LOXL1: variants seen among roughly 807,000 people sequenced by gnomAD.
LOXL1 encodes the protein lysyl oxidase like 1.
Under a neutral mutation model 62.2 loss-of-function variants are expected in LOXL1, and 31 were observed. That is an observed-to-expected ratio of 0.50 (90% confidence interval 0.37 to 0.67). The LOEUF (loss-of-function observed/expected upper bound fraction) is 0.67, where lower values mean the gene tolerates loss of function less well. Ranked by LOEUF, LOXL1 falls within the 30% of genes least tolerant of loss-of-function variation. LOXL1 has a pLI of 0.00. For synonymous variants in LOXL1, 403 were observed against 384.4 expected, an observed-to-expected ratio of 1.05 and a Z score of -0.56; for missense variants, 775 against 843.4, an observed-to-expected ratio of 0.92 and a Z score of 1.00.
In LOXL1 at chr15:73,951,878, G is replaced by C; in HGVS notation, c.*41G>C. 6.7e-7 allele frequency: 1 copy of C among 1,497,200 alleles called. No individual in the cohort carries two copies. The highest frequency in any genetic ancestry group is 9.0e-7 in the Non-Finnish European group (1 of 1,115,662). 92.7% of individuals were successfully genotyped at this position (1,497,200 alleles called of 1,614,324 possible). A position where few individuals can be genotyped will look rare whatever the true frequency, so the allele number is the denominator to read the frequency against. On this transcript the variant is annotated 3_prime_UTR_variant, in exon 7 of 7. Coordinates refer to ENST00000261921, the MANE Select transcript of LOXL1 (RefSeq NM_005576.4). ...GATGGCCAATCTCTCCCCTTCCAAA[G>C]CAGGCCCTGCTCCCCGGGCAGCCTC...
intron 1 of LOXL1, chr15:73,928,101 C>T (rs1567083252): frequency 4.8e-6 from 2 of 417,722 alleles, no homozygotes; most frequent in Non-Finnish European, 8.2e-6. Flanking sequence ...TCATCAGTGC[C>T]AGGGGTTGGC....
Position 73,928,063 on chromosome 15 carries a change from A to C in LOXL1, c.1102+178A>C, listed in dbSNP as rs73446383. The stretch of plus-strand genomic sequence containing the variant: ...GCCAACAGCACCCCCCTGGCATCTC[A>C]CCTCCCAGCTTAACCCGCACCCAGG... On this transcript the variant is annotated intron_variant, in intron 1 of 6. Coordinates refer to ENST00000261921, the MANE Select transcript of LOXL1 (RefSeq NM_005576.4). The C allele has an allele frequency of 0.057, 27,375 of 479,886 alleles. 1,878 individuals are homozygous for C. The highest frequency in any genetic ancestry group is 0.21 in the East Asian group (5,928 of 27,596). 29.7% of individuals were successfully genotyped at this position (479,886 alleles called of 1,614,324 possible).
chr15:73,947,687 C>T (rs2068757656), intron 4 of LOXL1, 120 bp from the exon 5 acceptor site: 3 of 704,376 alleles, frequency 4.3e-6, no homozygotes, highest in East Asian at 5.1e-5. Context: ...GAGCAGTTGC[C>T]CTGGGCCAGG....
chr15:73,932,917 C>T lies in LOXL1; in HGVS notation c.1102+5032C>T, dbSNP rs77051872. 6.9e-3 allele frequency among the ~76,000 whole-genome samples: 1,055 copies of T among 152,280 alleles called. 29 individuals carry two copies. Among genetic ancestry groups the T allele is most frequent in the Admixed American group, 0.05 (762 of 15,286 alleles). On this transcript the variant is annotated intron_variant, in intron 1 of 6. Transcript: ENST00000261921. ...TGGAAACGGAGGGTTCTGGGCCCTC[C>T]TCCTGCCTCCCTGTTTCTCCTTTGA...
chr15:73,951,304 G>C (rs959981329), intron 6 of LOXL1, among the ~76,000 whole-genome samples: 5 of 152,164 alleles, frequency 3.3e-5, no homozygotes, highest in Admixed American at 6.5e-5. Flanking sequence ...GGCAGCAGGG[G>C]GAGCCAAAGC....
chr15:73,947,463 G>A (rs955443514), intron 4 of LOXL1: 9 of 517,222 alleles, frequency 1.7e-5, no homozygotes, highest in Admixed American at 7.0e-5. Flanking sequence ...AGGAAACATC[G>A]CAACAGTCTG....
intron 1 of LOXL1, among the ~76,000 whole-genome samples, chr15:73,939,601 C>T (rs1192440649): frequency 6.6e-6 from 1 of 151,988 alleles, no homozygotes; most frequent in Non-Finnish European, 1.5e-5. Flanking sequence ...CCTGGGGTGG[C>T]GGAGGCGGGG....
At chr15:73,947,720 A>G in intron 4 of LOXL1, 87 bp from the exon 5 acceptor site, 3 of 907,088 alleles carry the variant, frequency 3.3e-6, no homozygotes, top group Non-Finnish European at 5.3e-6. Context: ...ACCCAGGGGA[A>G]GGTGGGCCAG....
rs1259032341 is a variant in LOXL1 at position 73,930,954 on chromosome 15, C to T, written c.1102+3069C>T. 6.6e-6 allele frequency among the ~76,000 whole-genome samples: 1 copy of T among 152,160 alleles called. No homozygotes were observed. The highest frequency in any genetic ancestry group is 1.5e-5 in the Non-Finnish European group (1 of 68,016). ...AGCCACTTCCCAGGCCCAGCTGGGT[C>T]TCCTGCACTGTGTCGGCTCCCTCGA... On this transcript the variant is annotated intron_variant, in intron 1 of 6. Coordinates refer to ENST00000261921, the MANE Select transcript of LOXL1 (RefSeq NM_005576.4). This position sits in a 1 kb window ranked among gnomAD's most constrained non-coding sequence, Gnocchi z 4.7.
At chr15:73,947,766 A>G in intron 4 of LOXL1, 41 bp from the exon 5 acceptor site, 1 of 1,421,190 alleles carries the variant, frequency 7.0e-7, no homozygotes, top group South Asian at 1.2e-5. Context: ...GGCTCTGGGA[A>G]ACAAGCAGCA....
At position 73,926,874 on chromosome 15, in the gene LOXL1, G is replaced by C; in HGVS notation, c.91G>C (p.Gly31Arg). Residue 31 changes from glycine (G) to arginine (R), a missense_variant, in exon 1 of 7, where the codon GGG (glycine) becomes CGG (arginine). Gly to Arg is a moderately radical substitution (Grantham distance 125). Transcript: ENST00000261921. ...VLVHGQQAQPGQGSDPARWRQ... is the reference protein window; with the variant it reads ...VLVHGQQAQPRQGSDPARWRQ... ...GGTGCACGGGCAGCAGGCGCAGCCC[G>C]GGCAGGGCTCGGACCCCGCCCGCTG... is the stretch of plus-strand genomic sequence containing the variant. 3.9e-6 allele frequency: 6 copies of C among 1,555,952 alleles called. No homozygotes were observed. The highest frequency in any genetic ancestry group is 5.2e-6 in the Non-Finnish European group (6 of 1,150,484).
rs976439658 is a variant in LOXL1, at chr15:73,945,796, C to T, written c.1212-621C>T. Among the ~76,000 whole-genome samples the T allele has an allele frequency of 3.9e-5, 6 of 152,016 alleles. No homozygotes were observed. The highest frequency in any genetic ancestry group is 1.2e-4 in the African/African-American group (5 of 41,376). On this transcript the variant is annotated intron_variant, in intron 2 of 6. Coordinates refer to ENST00000261921, the MANE Select transcript of LOXL1 (RefSeq NM_005576.4). This position sits in a 1 kb window ranked among gnomAD's most constrained non-coding sequence, Gnocchi z 4.3. ...CAGCACAATTATAGCTCATTGCAGCCTCAAATTCCTGGGCTCAAGGGATCA... is the reference window on the plus strand; with the variant it reads ...CAGCACAATTATAGCTCATTGCAGCTTCAAATTCCTGGGCTCAAGGGATCA...
At chr15:73,937,939 C>T (rs1281712336) in intron 1 of LOXL1, among the ~76,000 whole-genome samples, 1 of 152,280 alleles carries the variant, frequency 6.6e-6, no homozygotes, top group South Asian at 2.1e-4. Flanking sequence ...CACGTACGGC[C>T]GTTCACTGTA....
At chr15:73,940,104 C>A (rs2068703507) in intron 1 of LOXL1, among the ~76,000 whole-genome samples, 1 of 152,308 alleles carries the variant, frequency 6.6e-6, no homozygotes, top group South Asian at 2.1e-4. Context: ...GCGGAGGAGA[C>A]ACACACAGGT....
In LOXL1 at chr15:73,926,770, G is replaced by A; in HGVS notation, c.-14G>A. The A allele has an allele frequency of 1.4e-6, 2 of 1,406,300 alleles. No individual in the cohort carries two copies. Among genetic ancestry groups the A allele is most frequent in the Non-Finnish European group, 9.3e-7 (1 of 1,074,922 alleles). 87.1% of individuals were successfully genotyped at this position (1,406,300 alleles called of 1,614,324 possible). The stretch of plus-strand genomic sequence containing the variant: ...GAGCCTCTCTGTCCACCAGGCCTCT[G>A]CAGAGGGGTCACCATGGCTCTGGCC... On this transcript the variant is annotated 5_prime_UTR_variant, in exon 1 of 7. Transcript: ENST00000261921.
chr15:73,928,835 T>G (rs2068613886), intron 1 of LOXL1, among the ~76,000 whole-genome samples: 1 of 151,024 alleles, frequency 6.6e-6, no homozygotes, highest in Non-Finnish European at 1.5e-5. Context: ...GTTACTGAGT[T>G]TTTTTGGCAC....
At chr15:73,931,735 T>C (rs1006942591) in intron 1 of LOXL1, among the ~76,000 whole-genome samples, 2 of 152,160 alleles carry the variant, frequency 1.3e-5, no homozygotes, top group Non-Finnish European at 2.9e-5. Flanking sequence ...CACCTGGGCC[T>C]GCTCCACCCC....
Position 73,930,991 on chromosome 15 carries a change from C to T in LOXL1, c.1102+3106C>T, listed in dbSNP as rs887838202. On this transcript the variant is annotated intron_variant, in intron 1 of 6. Transcript: ENST00000261921. The surrounding 1 kb of genome is among the most constrained non-coding windows in gnomAD (Gnocchi z 4.7). The stretch of plus-strand genomic sequence containing the variant: ...GTCGGCTCCCTCGATGTGACCACTC[C>T]TGCTATTACCAACCAGGCCCTCCTC... 1.3e-5 allele frequency among the ~76,000 whole-genome samples: 2 copies of T among 152,194 alleles called. No individual in the cohort carries two copies. Among genetic ancestry groups the T allele is most frequent in the Non-Finnish European group, 2.9e-5 (2 of 68,028 alleles).
chr15:73,934,229 G>A (rs1222896506), intron 1 of LOXL1, among the ~76,000 whole-genome samples: 1 of 152,220 alleles, frequency 6.6e-6, no homozygotes, highest in Non-Finnish European at 1.5e-5. Flanking sequence ...GACCCTGCTT[G>A]ACAATGAAGT....
Sources: allele counts gnomAD v4.1 joint callset (sites outside exome capture counted in the v4.1 genomes callset), GRCh38; gene constraint gnomAD v4.1.1; non-coding constraint Gnocchi (gnomAD v3.1); transcripts MANE v1.5; gene names NCBI Gene and HGNC (gene_info 2026-07-23, HGNC 2026-07-21).